The following IMPG1 variants were observed in gnomAD, a reference collection of about 807,000 sequenced individuals.
The protein encoded by IMPG1 is interphotoreceptor matrix proteoglycan 1, also known as interphotoreceptor matrix proteoglycan of 150 kDa.
Under a neutral mutation model 92.0 loss-of-function variants are expected in IMPG1, and 85 were observed. The observed-to-expected ratio is 0.92, with a 90% CI of 0.78 to 1.11. IMPG1 has a LOEUF of 1.11. IMPG1 is among the 50% of genes least tolerant of loss of function. IMPG1 has a pLI of 0.00. For missense variants in IMPG1, 1,022 were observed against 956.0 expected, an observed-to-expected ratio of 1.07 and a Z score of -0.91; for synonymous variants, 367 against 334.1, an observed-to-expected ratio of 1.10 and a Z score of -1.08.
chr6:76,034,542 CA>C, intron 3 of IMPG1, 78 bp downstream of exon 3: 1 of 1,474,224 alleles, frequency 6.8e-7, no homozygotes, highest in East Asian at 2.3e-5. Flanking sequence ...TTGTGGAAAC[CA>C]ATTCAAAAGG....
chr6:75,937,737 C>T (rs1282772823), intron 14 of IMPG1, among the ~76,000 whole-genome samples: 2 of 152,082 alleles, frequency 1.3e-5, no homozygotes, highest in East Asian at 3.9e-4. Context: ...CAAATTATGC[C>T]TTTTCCAGGG....
chr6:75,946,843 C>A (rs562042095), intron 14 of IMPG1, among the ~76,000 whole-genome samples: 1 of 151,828 alleles, frequency 6.6e-6, no homozygotes, highest in East Asian at 1.9e-4. Context: ...ATTTTTCTTT[C>A]CTTAGAATGC....
chr6:76,046,916 C>T (rs1400419780), intron 1 of IMPG1, among the ~76,000 whole-genome samples: 1 of 152,038 alleles, frequency 6.6e-6, no homozygotes, highest in African/African-American at 2.4e-5. Flanking sequence ...AGTAGAATAA[C>T]ATTTTATAAA....
chr6:76,001,721 A>C (rs1030513546), intron 12 of IMPG1, among the ~76,000 whole-genome samples: 1 of 152,256 alleles, frequency 6.6e-6, no homozygotes, highest in Non-Finnish European at 1.5e-5. Flanking sequence ...CTGACACAAC[A>C]TGGAGCAGAG....
intron 1 of IMPG1, among the ~76,000 whole-genome samples, chr6:76,066,100 C>T (rs185255761): frequency 6.6e-6 from 1 of 152,018 alleles, no homozygotes; most frequent in African/African-American, 2.4e-5. Flanking sequence ...AATGAAAAAA[C>T]AATATTTGCC....
intron 14 of IMPG1, among the ~76,000 whole-genome samples, chr6:75,944,585 GC>G (rs1781892323): frequency 1.3e-5 from 2 of 152,194 alleles, no homozygotes; most frequent in South Asian, 4.1e-4. Flanking sequence ...CAGCCCTCTT[GC>G]ATAGAGTTAT....
intron 16 of IMPG1, among the ~76,000 whole-genome samples, chr6:75,923,327 C>T (rs1781460128): frequency 6.6e-6 from 1 of 151,918 alleles, no homozygotes; most frequent in African/African-American, 2.4e-5. Flanking sequence ...TAAATTATTA[C>T]TGTAAAGATT....
At chr6:76,041,041 C>A (rs777337472) in intron 2 of IMPG1, among the ~76,000 whole-genome samples, 2 of 152,036 alleles carry the variant, frequency 1.3e-5, no homozygotes, top group Non-Finnish European at 2.9e-5. Flanking sequence ...TCTCAACTTT[C>A]GCATGTAAGA....
intron 12 of IMPG1, among the ~76,000 whole-genome samples, chr6:76,002,387 C>T (rs1334344890): frequency 6.6e-6 from 1 of 152,194 alleles, no homozygotes. Flanking sequence ...ACTAAGACTT[C>T]AGTGTTTACT....
At chr6:76,041,293 G>A (rs1783834468) in intron 2 of IMPG1, among the ~76,000 whole-genome samples, 1 of 152,114 alleles carries the variant, frequency 6.6e-6, no homozygotes, top group Non-Finnish European at 1.5e-5. Flanking sequence ...GGTAAAAAGT[G>A]GACTGTGACT....
At chr6:76,047,415 C>T (rs1303507241) in intron 1 of IMPG1, among the ~76,000 whole-genome samples, 1 of 152,214 alleles carries the variant, frequency 6.6e-6, no homozygotes, top group Non-Finnish European at 1.5e-5. Flanking sequence ...TTCACTGATT[C>T]ACCTGTATTC....
chr6:75,926,325 AAC>A (rs1781549044), intron 15 of IMPG1, among the ~76,000 whole-genome samples: 1 of 152,210 alleles, frequency 6.6e-6, no homozygotes, highest in African/African-American at 2.4e-5. Context: ...CCTCCCCCGT[AAC>A]CGAACCTTCC....
chr6:75,990,588 TAC>T lies in IMPG1; in HGVS notation c.1291+12328_1291+12329del, dbSNP rs112985372. Among the ~76,000 whole-genome samples the T allele has an allele frequency of 3.4e-3, 496 of 144,670 alleles. 1 individual carries two copies. The highest frequency in any genetic ancestry group is 6.8e-3 in the African/African-American group (268 of 39,176). 94.9% of individuals were successfully genotyped at this position (144,670 alleles called of 152,430 possible). A position where few individuals can be genotyped will look rare whatever the true frequency, so the allele number is the denominator to read the frequency against. Reference sequence around the variant, plus strand: ...GAGCAACATTAGGAGACCCCACCTCTACACACACACACACACACACACACACA... The same window carrying T: ...GAGCAACATTAGGAGACCCCACCTCTACACACACACACACACACACACACA... On this transcript the variant is annotated intron_variant, in intron 12 of 16. Transcript: ENST00000369950.
intron 1 of IMPG1, among the ~76,000 whole-genome samples, chr6:76,070,539 C>T (rs147807314): frequency 6.6e-5 from 10 of 152,060 alleles, no homozygotes; most frequent in Admixed American, 5.9e-4. Flanking sequence ...AGCACTATTA[C>T]CAATAGCAAA....
At chr6:75,972,358 T>C (rs1261524505) in intron 12 of IMPG1, among the ~76,000 whole-genome samples, 1 of 152,152 alleles carries the variant, frequency 6.6e-6, no homozygotes, top group African/African-American at 2.4e-5. Flanking sequence ...CTGAGCTTTA[T>C]CAGAAAATAG....
At chr6:76,054,904 T>C (rs930974721) in intron 1 of IMPG1, among the ~76,000 whole-genome samples, 2 of 152,092 alleles carry the variant, frequency 1.3e-5, no homozygotes, top group Non-Finnish European at 2.9e-5. Flanking sequence ...TAAAATTCTA[T>C]GCACTTAATA....
intron 5 of IMPG1, among the ~76,000 whole-genome samples, chr6:76,022,757 T>C: frequency 6.6e-6 from 1 of 152,220 alleles, no homozygotes; most frequent in Admixed American, 6.5e-5. Context: ...AAGATCTTCA[T>C]AGAGTGCAAG....
chr6:76,012,135 T>C (rs1381550445), intron 7 of IMPG1, among the ~76,000 whole-genome samples: 3 of 152,278 alleles, frequency 2.0e-5, no homozygotes, highest in East Asian at 1.9e-4. Context: ...GATTTACTCT[T>C]AGATTCATAT....
At chr6:75,974,383 C>CT (rs1479518005) in intron 12 of IMPG1, among the ~76,000 whole-genome samples, 4,176 of 74,762 alleles carry the variant, frequency 0.056, 126 homozygotes, top group East Asian at 0.14. Flanking sequence ...TTCTTTCTTT[C>CT]TTTCTTTCTT....
Sources: gnomAD v4.1 joint callset for allele counts (sites outside exome capture counted in the v4.1 genomes callset) on GRCh38, gnomAD v4.1.1 for gene constraint, MANE v1.5 for transcripts, NCBI Gene and HGNC (gene_info 2026-07-23, HGNC 2026-07-21) for gene names.